NDUFA7: variants seen among roughly 807,000 people sequenced by gnomAD.
NDUFA7 encodes NADH dehydrogenase [ubiquinone] 1 alpha subcomplex subunit 7.
A neutral mutation model predicts 14.2 loss-of-function variants in NDUFA7; 18 were observed. That is an observed-to-expected ratio of 1.27 (90% confidence interval 0.88 to 1.88). The LOEUF (loss-of-function observed/expected upper bound fraction) is 1.88, where lower values mean the gene tolerates loss of function less well. NDUFA7 is among the 40% of genes most tolerant of loss of function. The probability of loss-of-function intolerance (pLI) is 0.00; values close to 1 mark genes in which losing one functional copy is unlikely to be tolerated. For synonymous variants in NDUFA7, 75 were observed against 62.1 expected (o/e 1.21, Z -0.98); for missense variants, 172 against 147.3 (o/e 1.17, Z -0.87).
At chr19:8,319,715 C>T (rs1408624389) in intron 2 of NDUFA7, among the ~76,000 whole-genome samples, 1 of 152,128 alleles carries the variant, frequency 6.6e-6, no homozygotes, top group African/African-American at 2.4e-5. Flanking sequence ...CCTCTGCCTA[C>T]CCTTTGACTT....
chr19:8,319,911 T>A (rs887852187), intron 2 of NDUFA7, among the ~76,000 whole-genome samples: 20 of 152,138 alleles, frequency 1.3e-4, no homozygotes, highest in African/African-American at 4.8e-4. Context: ...AGTGGTGCGA[T>A]CTCAGCTCAC....
In NDUFA7 at chr19:8,320,913, G is replaced by C; in HGVS notation, c.52-7C>G. 6.2e-7 allele frequency: 1 copy of C among 1,613,780 alleles called. No homozygotes were observed. Reference sequence around the variant, plus strand: ...GCTTCCCCTGCAGGTCATGCTGTGGGAAGAGGAGAGGAGAGGTCGGCCTGC... The same window carrying C: ...GCTTCCCCTGCAGGTCATGCTGTGGCAAGAGGAGAGGAGAGGTCGGCCTGC... On this transcript the variant is annotated splice_polypyrimidine_tract_variant and splice_region_variant and intron_variant, in intron 1 of 3. Transcript: ENST00000301457.
At chr19:8,313,752 C>T (rs1201549859) in intron 3 of NDUFA7, among the ~76,000 whole-genome samples, 1 of 152,232 alleles carries the variant, frequency 6.6e-6, no homozygotes, top group Non-Finnish European at 1.5e-5. Context: ...GCCTGTGTGG[C>T]CCAGGCCAGT....
At chr19:8,317,186 G>A (rs927581668) in intron 2 of NDUFA7, among the ~76,000 whole-genome samples, 2 of 152,192 alleles carry the variant, frequency 1.3e-5, no homozygotes, top group African/African-American at 2.4e-5. Context: ...CCTCTCTGGA[G>A]CCCAGAGAGG....
intron 2 of NDUFA7, 81 bp downstream of exon 2, chr19:8,320,776 G>T: frequency 6.5e-7 from 1 of 1,538,310 alleles, no homozygotes; most frequent in Non-Finnish European, 9.0e-7. Flanking sequence ...CTCCGTTTCA[G>T]GGGTCTAAAG....
chr19:8,321,000 A>T, intron 1 of NDUFA7, 94 bp from the exon 2 acceptor site: 1 of 1,414,802 alleles, frequency 7.1e-7, no homozygotes, highest in Non-Finnish European at 9.9e-7. Flanking sequence ...GGGGATGCGC[A>T]TTTTAAGGGA....
chr19:8,311,566 G>T lies in NDUFA7; in HGVS notation c.281C>A (p.Ala94Glu). The T allele has an allele frequency of 6.2e-7, 1 of 1,612,558 alleles. No individual in the cohort carries two copies. The highest frequency in any genetic ancestry group is 1.1e-5 in the South Asian group (1 of 90,922). Reference sequence around the variant, plus strand: ...CTTTATGGGAGGAGCTGGAGTCACCGCCTTCTTCTCAGTGGCAGCTACAGC... The same window carrying T: ...CTTTATGGGAGGAGCTGGAGTCACCTCCTTCTTCTCAGTGGCAGCTACAGC... ...SSAVAATEKK[A>E]VTPAPPIKRW... Residue 94 changes from alanine (A) to glutamate (E), a missense_variant, in exon 4 of 4, where the codon GCG (alanine) becomes GAG (glutamate). Physicochemically the swap from Ala to Glu is moderately radical, Grantham distance 107 (BLOSUM62 -1). Coordinates refer to ENST00000301457, the MANE Select transcript of NDUFA7 (RefSeq NM_005001.5).
At chr19:8,312,375 C>T (rs2145390409) in intron 3 of NDUFA7, among the ~76,000 whole-genome samples, 1 of 152,284 alleles carries the variant, frequency 6.6e-6, no homozygotes, top group East Asian at 1.9e-4. Context: ...CTGGGAAATG[C>T]ACACATCTCT....
At chr19:8,311,659 C>T in intron 3 of NDUFA7, 64 bp from the exon 4 acceptor site, 1 of 1,389,322 alleles carries the variant, frequency 7.2e-7, no homozygotes, top group South Asian at 1.2e-5. Flanking sequence ...CTGAGGGAGC[C>T]CACACCTGCC....
At chr19:8,318,929 C>G (rs1295058844) in intron 2 of NDUFA7, among the ~76,000 whole-genome samples, 2 of 150,068 alleles carry the variant, frequency 1.3e-5, no homozygotes, top group African/African-American at 2.5e-5. Context: ...TCAGATCCGC[C>G]ACTGCACTCC....
downstream of NDUFA7, among the ~76,000 whole-genome samples, chr19:8,310,941 G>T (rs541904409): frequency 2.0e-5 from 3 of 152,248 alleles, no homozygotes; most frequent in Non-Finnish European, 2.9e-5. Context: ...TTGAGCCCAG[G>T]AGGCAGAGGT....
In NDUFA7 at chr19:8,311,602, G is replaced by T; in HGVS notation, c.252-7C>A. 1 of 1,610,544 alleles carries T rather than the reference G, an allele frequency of 6.2e-7. No individual in the cohort carries two copies. ...AGTGGCAGCTACAGCAGAGCTGGAG[G>T]AGGGAAAGACTTCAGTGAGGGTTTC... On this transcript the variant is annotated splice_region_variant and splice_polypyrimidine_tract_variant and intron_variant, in intron 3 of 3. Transcript: ENST00000301457.
At chr19:8,308,786 C>T (rs760369963), downstream of NDUFA7, 4 of 179,132 alleles carry the variant, frequency 2.2e-5, no homozygotes, top group Non-Finnish European at 4.7e-5. Context: ...CTGCTTTATT[C>T]TCAGGATCTG....
chr19:8,313,657 G>T (rs1323336002), intron 3 of NDUFA7, among the ~76,000 whole-genome samples: 1 of 152,234 alleles, frequency 6.6e-6, no homozygotes, highest in Non-Finnish European at 1.5e-5. Context: ...CTGAGGGACT[G>T]CCCACACCGT....
At chr19:8,320,748 G>T in intron 2 of NDUFA7, 109 bp downstream of exon 2, 1 of 1,323,924 alleles carries the variant, frequency 7.6e-7, no homozygotes. Context: ...GCAGGGGACT[G>T]GTGGCAGGAT....
intron 2 of NDUFA7, among the ~76,000 whole-genome samples, chr19:8,320,143 C>T (rs1369182320): frequency 6.6e-6 from 1 of 152,168 alleles, no homozygotes; most frequent in Non-Finnish European, 1.5e-5. Context: ...CGTGAGCCAC[C>T]GCGCCCGGTC....
At chr19:8,320,978 CAGGG>C in intron 1 of NDUFA7, 72 bp from the exon 2 acceptor site, 3 of 1,555,204 alleles carry the variant, frequency 1.9e-6, no homozygotes, top group African/African-American at 1.4e-5. Context: ...GGCAAGGGAC[CAGGG>C]ATGGTCCGGG....
At chr19:8,313,362 C>T (rs1568562211) in intron 3 of NDUFA7, among the ~76,000 whole-genome samples, 5 of 152,120 alleles carry the variant, frequency 3.3e-5, no homozygotes, top group Non-Finnish European at 7.4e-5. Context: ...TCCCGAATAG[C>T]TGGGACTACA....
At chr19:8,311,731 G>A (rs1173127511) in intron 3 of NDUFA7, 136 bp from the exon 4 acceptor site, 2 of 650,854 alleles carry the variant, frequency 3.1e-6, no homozygotes, top group African/African-American at 3.7e-5. Flanking sequence ...GGGTGTTCCA[G>A]AATGCCAACC....
Sources: allele counts gnomAD v4.1 joint callset (sites outside exome capture counted in the v4.1 genomes callset), GRCh38; gene constraint gnomAD v4.1.1; transcripts MANE v1.5; gene names NCBI Gene and HGNC (gene_info 2026-07-23, HGNC 2026-07-21).